The following FAM120B variants were observed in gnomAD, a reference collection of about 807,000 sequenced individuals.
FAM120B encodes family with sequence similarity 120 member B, also known as constitutive coactivator of peroxisome proliferator-activated receptor gamma.
FAM120B carries 83 observed loss-of-function variants against 96.3 expected under a neutral mutation model. The ratio of observed to expected loss-of-function variants is 0.86; its 90% CI spans 0.72 to 1.03. The LOEUF (loss-of-function observed/expected upper bound fraction) is 1.03. Ranked by LOEUF, FAM120B falls within the 50% of genes least tolerant of loss-of-function variation. FAM120B has a pLI of 0.00. For missense variants in FAM120B, 1,027 were observed against 1,121.2 expected (o/e 0.92, Z 1.20); for synonymous variants, 407 against 402.7 (o/e 1.01, Z -0.13).
upstream of FAM120B, among the ~76,000 whole-genome samples, chr6:170,294,050 C>T (rs1028851207): frequency 2.6e-5 from 4 of 152,136 alleles, no homozygotes; most frequent in Admixed American, 2.0e-4. This position sits in a 1 kb window ranked among gnomAD's most constrained non-coding sequence, Gnocchi z 7.9. Context: ...CCATCTGCTC[C>T]GAACCAAATG....
rs1787343969 is a variant in FAM120B, at chr6:170,348,280, C to G, written c.2147C>G (p.Pro716Arg). ...SREELQAVES[P>R]FQALCCLLIY... ...GAAGAGCTGCAGGCTGTCGAAAGCC[C>G]ATTTCAAGCTTTGTGCTGCCTCTTG... The change falls in exon 5 of 11, where the codon CCA becomes CGA. Residue 716 changes from proline (P) to arginine (R), a missense_variant. Coordinates refer to ENST00000476287, the MANE Select transcript of FAM120B (RefSeq NM_032448.3). 3 of 1,613,798 alleles carry G rather than the reference C, an allele frequency of 1.9e-6. No individual in the cohort carries two copies. Among genetic ancestry groups the G allele is most frequent in the Non-Finnish European group, 2.5e-6 (3 of 1,179,908 alleles).
At position 170,384,680 on chromosome 6, in the gene FAM120B, T is replaced by C. The variant is rs554825231; in HGVS notation, c.2284-3607T>C. On this transcript the variant is annotated intron_variant, in intron 6 of 10. Coordinates refer to ENST00000476287, the MANE Select transcript of FAM120B (RefSeq NM_032448.3). Reference sequence around the variant, plus strand: ...CTGAAAAACGAAGCAGACATATCTGTAATCACAGTGGGACGTGTGAGCACA... The same window carrying C: ...CTGAAAAACGAAGCAGACATATCTGCAATCACAGTGGGACGTGTGAGCACA... Among the ~76,000 whole-genome samples, 6 of 152,368 alleles carry C rather than the reference T, an allele frequency of 3.9e-5. No homozygotes were observed. In the South Asian group the frequency reaches 1.2e-3, roughly 32 times the overall value.
At chr6:170,403,292 CT>C (rs1778678482) in intron 9 of FAM120B, among the ~76,000 whole-genome samples, 1 of 152,170 alleles carries the variant, frequency 6.6e-6, no homozygotes, top group Non-Finnish European at 1.5e-5. Context: ...AGTAATCCAC[CT>C]TTTCAGTTGT....
At chr6:170,322,025 C>T (rs1319122776) in intron 2 of FAM120B, among the ~76,000 whole-genome samples, 1 of 152,196 alleles carries the variant, frequency 6.6e-6, no homozygotes, top group Admixed American at 6.5e-5. Context: ...CTTATTCTCA[C>T]AGTAATAAGA....
chr6:170,387,875 A>G (rs1790274792), intron 6 of FAM120B, among the ~76,000 whole-genome samples: 2 of 152,186 alleles, frequency 1.3e-5, no homozygotes, highest in Admixed American at 1.3e-4. Context: ...TTGTTCAGGA[A>G]AGAATGCACC....
intron 1 of FAM120B, among the ~76,000 whole-genome samples, chr6:170,316,248 T>C (rs1784894552): frequency 6.6e-6 from 1 of 152,116 alleles, no homozygotes; most frequent in South Asian, 2.1e-4. Flanking sequence ...AGCTGGGAAA[T>C]ACCCTCAACA....
chr6:170,315,759 T>A (rs1292745480), intron 1 of FAM120B, among the ~76,000 whole-genome samples: 1 of 152,110 alleles, frequency 6.6e-6, no homozygotes, highest in African/African-American at 2.4e-5. Context: ...ACCCTCAAAT[T>A]CTACTGTTAG....
chr6:170,388,268 T>C lies in FAM120B; in HGVS notation c.2284-19T>C, dbSNP rs778592097. 1.2e-6 allele frequency: 2 copies of C among 1,610,864 alleles called. No homozygotes were observed. Among genetic ancestry groups the C allele is most frequent in the Non-Finnish European group, 1.7e-6 (2 of 1,178,270 alleles). ...TGACTCCTGTCTTACATTTTTGGTG[T>C]GTGTTCTGGTCTCCACAGCCTGATT... On this transcript the variant is annotated intron_variant, in intron 6 of 10. Transcript: ENST00000476287.
intron 3 of FAM120B, among the ~76,000 whole-genome samples, chr6:170,327,877 A>G (rs912562873): frequency 1.3e-5 from 2 of 148,950 alleles, no homozygotes; most frequent in African/African-American, 5.0e-5. Context: ...AGGCCAGGAC[A>G]TGACCGTGTT....
chr6:170,383,496 T>TAGGCCAA (rs1790031193), intron 6 of FAM120B, among the ~76,000 whole-genome samples: 1 of 152,156 alleles, frequency 6.6e-6, no homozygotes, highest in Non-Finnish European at 1.5e-5. Context: ...AGGCCAAAGA[T>TAGGCCAA]AGACATTTTA....
chr6:170,372,746 A>G (rs904394566), intron 6 of FAM120B, among the ~76,000 whole-genome samples: 1 of 152,228 alleles, frequency 6.6e-6, no homozygotes, highest in Non-Finnish European at 1.5e-5. Flanking sequence ...GTAGCTGGAC[A>G]TGAGTAGAAG....
chr6:170,387,177 A>T (rs924364988), intron 6 of FAM120B, among the ~76,000 whole-genome samples: 7 of 152,220 alleles, frequency 4.6e-5, no homozygotes, highest in Middle Eastern at 3.2e-3. Flanking sequence ...AGTGTCGCAC[A>T]GCACTATTTT....
intron 4 of FAM120B, among the ~76,000 whole-genome samples, chr6:170,344,692 A>G (rs1787062893): frequency 6.6e-6 from 1 of 152,102 alleles, no homozygotes; most frequent in Non-Finnish European, 1.5e-5. Context: ...TGCTTCCCCT[A>G]ATCGTTGCGT....
Position 170,391,934 on chromosome 6 carries a change from C to T in FAM120B, c.2599+813C>T, listed in dbSNP as rs114953079. ...AGCACTTAACTTAGGGCGTTAACAC[C>T]GTTCTTCTTAAACAACGGCCACAGA... On this transcript the variant is annotated intron_variant, in intron 8 of 10. Transcript: ENST00000476287. Among the ~76,000 whole-genome samples the T allele has an allele frequency of 1.0e-3, 159 of 152,278 alleles. 1 individual carries two copies. The highest frequency in any genetic ancestry group is 3.3e-3 in the African/African-American group (139 of 41,564).
At chr6:170,361,222 A>ATATATATATATATATACG (rs1788401976) in intron 6 of FAM120B, among the ~76,000 whole-genome samples, 7 of 102,004 alleles carry the variant, frequency 6.9e-5, no homozygotes, top group African/African-American at 2.4e-4. Context: ...ATATATATAT[A>ATATATATATATATATACG]TATATATATA....
intron 9 of FAM120B, among the ~76,000 whole-genome samples, chr6:170,402,656 A>G (rs1358839584): frequency 6.6e-6 from 1 of 152,170 alleles, no homozygotes; most frequent in Non-Finnish European, 1.5e-5. Flanking sequence ...AAAGGAGGAG[A>G]CAGTTGGGCT....
At position 170,393,130 on chromosome 6, in the gene FAM120B, A is replaced by G. The variant is rs957312969; in HGVS notation, c.2599+2009A>G. Reference sequence around the variant, plus strand: ...AGTTTGACACTGGCCTGAGAAACATAGCGAGACCCTGTCTTTACAAAAAAA... The same window carrying G: ...AGTTTGACACTGGCCTGAGAAACATGGCGAGACCCTGTCTTTACAAAAAAA... On this transcript the variant is annotated intron_variant, in intron 8 of 10. Transcript: ENST00000476287. 9.0e-5 allele frequency among the ~76,000 whole-genome samples: 12 copies of G among 134,052 alleles called. No homozygotes were observed. The Admixed American group carries it at 1.0e-3, about 11-fold the overall frequency. The allele number at this position is 134,052 out of a possible 152,430, so 87.9% of individuals were successfully genotyped here.
At chr6:170,337,390 C>G (rs1010499241) in intron 4 of FAM120B, among the ~76,000 whole-genome samples, 7 of 152,162 alleles carry the variant, frequency 4.6e-5, no homozygotes, top group Admixed American at 1.3e-4. Flanking sequence ...CCGACCTGAT[C>G]GTGGTGGATA....
intron 2 of FAM120B, 44 bp from the exon 3 acceptor site, chr6:170,323,035 C>T (rs781399279): frequency 5.9e-6 from 9 of 1,531,930 alleles, no homozygotes; most frequent in Non-Finnish European, 8.0e-6. Flanking sequence ...AGGTTACTAT[C>T]CTGTTTTTAA....
Sources: allele counts gnomAD v4.1 joint callset (sites outside exome capture counted in the v4.1 genomes callset), GRCh38; gene constraint gnomAD v4.1.1; non-coding constraint Gnocchi (gnomAD v3.1); transcripts MANE v1.5; gene names NCBI Gene and HGNC (gene_info 2026-07-23, HGNC 2026-07-21).